The following IRGQ variants were observed in gnomAD, a reference collection of about 807,000 sequenced individuals.
IRGQ encodes the protein immunity-related GTPase family Q protein.
Under a neutral mutation model 10.5 loss-of-function variants are expected in IRGQ, and 5 were observed. That is an observed-to-expected ratio of 0.48 (90% CI 0.25 to 1.00). The LOEUF is 1.00. Among genes scored for constraint, IRGQ ranks in the 50% least tolerant of loss-of-function variants. The probability of loss-of-function intolerance (pLI) is 0.16; values close to 1 mark genes in which losing one functional copy is unlikely to be tolerated. For synonymous variants in IRGQ, 418 were observed against 426.0 expected, an observed-to-expected ratio of 0.98 and a Z score of 0.23; for missense variants, 792 against 877.7, an observed-to-expected ratio of 0.90 and a Z score of 1.23.
intron 1 of IRGQ, 161 bp from the exon 2 acceptor site, chr19:43,595,501 T>G: frequency 6.1e-6 from 3 of 493,028 alleles, no homozygotes; most frequent in Non-Finnish European, 6.7e-6. Flanking sequence ...CCAGACCCTA[T>G]TCCCCCAGAA....
chr19:43,591,907 G>A lies in IRGQ; in HGVS notation c.*119C>T. ...CTGTCCCCCAGACTCTCTGAATCCA[G>A]GTGATAAGAAGTCACACATCCCAGC... On this transcript the variant is annotated 3_prime_UTR_variant, in exon 3 of 3. Coordinates refer to ENST00000422989, the MANE Select transcript of IRGQ (RefSeq NM_001007561.3). 1.1e-6 allele frequency: 1 copy of A among 938,976 alleles called. No individual in the cohort carries two copies. Among genetic ancestry groups the A allele is most frequent in the Admixed American group, 2.4e-5 (1 of 41,028 alleles). The allele number at this position is 938,976 out of a possible 1,614,324, so 58.2% of individuals were successfully genotyped here.
chr19:43,591,988 CCT>C lies in IRGQ; in HGVS notation c.*36_*37del, dbSNP rs749376543. Reference sequence around the variant, plus strand: ...CACCCAGGATTAAGCCCAGGCATCCCCTGTCAGAGTCTGGACTCCCAAGCCCC... The same window carrying C: ...CACCCAGGATTAAGCCCAGGCATCCCGTCAGAGTCTGGACTCCCAAGCCCC... On this transcript the variant is annotated 3_prime_UTR_variant, in exon 3 of 3. Coordinates refer to ENST00000422989, the MANE Select transcript of IRGQ (RefSeq NM_001007561.3). 51 of 1,539,416 alleles carry C rather than the reference CCT, an allele frequency of 3.3e-5. No homozygotes were observed. The Admixed American group carries it at 8.4e-4, about 25-fold the overall frequency.
chr19:43,592,262 G>C lies in IRGQ; in HGVS notation c.1636C>G (p.His546Asp). The change falls in exon 3 of 3, where the codon CAT (histidine) becomes GAT (aspartate). Residue 546 changes from histidine (H) to aspartate (D), a missense_variant. Physicochemically the swap from His to Asp is moderately conservative, Grantham distance 81. Transcript: ENST00000422989. The stretch of plus-strand genomic sequence containing the variant: ...GCGCGCGTCACCGGGCCTGGGAAAT[G>C]AGCGCGCGCTGCCAGCTCTCCAGAA... ...LASGELAARA[H>D]FPGPVTRAEV... 6.3e-7 allele frequency: 1 copy of C among 1,576,096 alleles called. No individual in the cohort carries two copies. The highest frequency in any genetic ancestry group is 1.1e-5 in the South Asian group (1 of 88,674).
chr19:43,593,294 C>A lies in IRGQ; in HGVS notation c.604G>T (p.Glu202Ter). 1 of 1,588,438 alleles carries A rather than the reference C, an allele frequency of 6.3e-7. No homozygotes were observed. Among genetic ancestry groups the A allele is most frequent in the Non-Finnish European group, 8.6e-7 (1 of 1,166,596 alleles). The change falls in exon 3 of 3, where the codon GAG becomes TAG. Residue 202 changes from glutamate (E) to a stop codon, truncating the protein, a stop_gained. Coordinates refer to ENST00000422989, the MANE Select transcript of IRGQ (RefSeq NM_001007561.3). LOFTEE classifies it low-confidence loss of function (END_TRUNC). The surrounding 1 kb of genome is among the most constrained non-coding windows in gnomAD (Gnocchi z 6.4). ...AELEAVREAFETGGLEAALSW... is the reference protein window; with the variant it reads ...AELEAVREAF Reference sequence around the variant, plus strand: ...AGCGCAGCCTCAAGGCCGCCGGTCTCAAAGGCCTCACGCACAGCCTCTAGC... The same window carrying A: ...AGCGCAGCCTCAAGGCCGCCGGTCTAAAAGGCCTCACGCACAGCCTCTAGC...
intron 2 of IRGQ, among the ~76,000 whole-genome samples, chr19:43,594,469 G>A (rs1973101508): frequency 6.6e-6 from 1 of 152,142 alleles, no homozygotes; most frequent in South Asian, 2.1e-4. Flanking sequence ...TTGAGCCCAG[G>A]AGGTGGAGGC....
chr19:43,592,034 C>A lies in IRGQ; in HGVS notation c.1864G>T (p.Ala622Ser), dbSNP rs1197223356. Reference sequence around the variant, plus strand: ...AAGCCCCCTCCCACTCCTCACTGGGCAGGCTCAGGGGGTGCCAGCACAGCC... The same window carrying A: ...AAGCCCCCTCCCACTCCTCACTGGGAAGGCTCAGGGGGTGCCAGCACAGCC... The part of the protein sequence containing the change: ...AEAVLAPPEP[A>S]Q Residue 622 changes from alanine (A) to serine (S), a missense_variant, in exon 3 of 3, where the codon GCC becomes TCC. Physicochemically the swap from Ala to Ser is moderately conservative, Grantham distance 99. Coordinates refer to ENST00000422989, the MANE Select transcript of IRGQ (RefSeq NM_001007561.3). 3 of 1,595,218 alleles carry A rather than the reference C, an allele frequency of 1.9e-6. No individual in the cohort carries two copies. Among genetic ancestry groups the A allele is most frequent in the Non-Finnish European group, 2.6e-6 (3 of 1,168,570 alleles).
In IRGQ at chr19:43,589,725, G is replaced by T. The variant is rs1173653244; in HGVS notation, c.*2301C>A. 1 of 152,168 alleles carries T rather than the reference G, an allele frequency of 6.6e-6. No homozygotes were observed. The highest frequency in any genetic ancestry group is 2.4e-5 in the African/African-American group (1 of 41,432). 9.4% of individuals were successfully genotyped at this position (152,168 alleles called of 1,614,324 possible). A position where few individuals can be genotyped will look rare whatever the true frequency, so the allele number is the denominator to read the frequency against. ...TAAATAAATAAGATCATTTTTGACAGTAATAATTGCTACAAGGAAACTCAA... is the reference window on the plus strand; with the variant it reads ...TAAATAAATAAGATCATTTTTGACATTAATAATTGCTACAAGGAAACTCAA... On this transcript the variant is annotated 3_prime_UTR_variant, in exon 3 of 3. Coordinates refer to ENST00000422989, the MANE Select transcript of IRGQ (RefSeq NM_001007561.3).
At position 43,592,789 on chromosome 19, in the gene IRGQ, C is replaced by T. The variant is rs1973078698; in HGVS notation, c.1109G>A (p.Arg370Lys). ...GGLENALSKG[R>K]EKCSAGSQKA... The stretch of plus-strand genomic sequence containing the variant: ...CTGCGATCCAGCGCTACATTTCTCC[C>T]TTCCCTTACTGAGTGCATTCTCCAA... The change falls in exon 3 of 3, where the codon AGG becomes AAG. Residue 370 changes from arginine (R) to lysine (K), a missense_variant. Transcript: ENST00000422989. 6.2e-7 allele frequency: 1 copy of T among 1,613,958 alleles called. No individual in the cohort carries two copies. The highest frequency in any genetic ancestry group is 1.3e-5 in the African/African-American group (1 of 75,078).
chr19:43,595,922 C>T (rs1460552857), intron 1 of IRGQ, 60 bp downstream of exon 1: 1 of 152,318 alleles, frequency 6.6e-6, no homozygotes, highest in Non-Finnish European at 1.5e-5. Flanking sequence ...CTTCCAGTCC[C>T]TCCTCCCTCG....
chr19:43,591,343 TC>T lies in IRGQ; in HGVS notation c.*682del, dbSNP rs1437980658. 6.6e-6 allele frequency: 1 copy of T among 152,106 alleles called. No homozygotes were observed. 9.4% of individuals were successfully genotyped at this position (152,106 alleles called of 1,614,324 possible). ...GCTCCCTGGGGCGCTCAGGTCTCCC[TC>T]CCCTATACTGGAGTTCAGGTCCCAG... On this transcript the variant is annotated 3_prime_UTR_variant, in exon 3 of 3. Coordinates refer to ENST00000422989, the MANE Select transcript of IRGQ (RefSeq NM_001007561.3).
chr19:43,592,638 CGTCTCGTCCTCCG>C lies in IRGQ; in HGVS notation c.1247_1259del (p.Pro416ArgfsTer132). 1 of 1,603,624 alleles carries C rather than the reference CGTCTCGTCCTCCG, an allele frequency of 6.2e-7. No homozygotes were observed. Among genetic ancestry groups the C allele is most frequent in the East Asian group, 2.2e-5 (1 of 44,878 alleles). ...GCGGCGCCTCCTCCAGCACCTCCCA[CGTCTCGTCCTCCG>C]GGCTTAACGCAGCGGCCCGCTCTGA... On this transcript the variant is annotated frameshift_variant, in exon 3 of 3. Coordinates refer to ENST00000422989, the MANE Select transcript of IRGQ (RefSeq NM_001007561.3). LOFTEE classifies it low-confidence loss of function (END_TRUNC).
At position 43,585,893 on chromosome 19, in the gene IRGQ, G is replaced by A. The variant is rs1466673957; in HGVS notation, c.*6133C>T. The A allele has an allele frequency of 6.6e-6, 1 of 152,110 alleles. No homozygotes were observed. The highest frequency in any genetic ancestry group is 2.4e-5 in the African/African-American group (1 of 41,416). 9.4% of individuals were successfully genotyped at this position (152,110 alleles called of 1,614,324 possible). A position where few individuals can be genotyped will look rare whatever the true frequency, so the allele number is the denominator to read the frequency against. ...GTTTCCAGCCCAGTCAAAATCTCAA[G>A]GATCTTTCTTTTCCCTCAAACTCCA... On this transcript the variant is annotated 3_prime_UTR_variant, in exon 3 of 3. Coordinates refer to ENST00000422989, the MANE Select transcript of IRGQ (RefSeq NM_001007561.3).
Position 43,594,973 on chromosome 19 carries a change from CTG to C in IRGQ, c.364_365del (p.Gln122AspfsTer7). ...TCTGATCACGGGCCTGGGCGGCAGT[CTG>C]TGAATCCCCAGGACGGAGGTTCCGC... ...AVRNLRPGDS[Q>X]TAAQARDQTA... On this transcript the variant is annotated frameshift_variant, in exon 2 of 3. Transcript: ENST00000422989. LOFTEE classifies it high-confidence loss of function. The C allele has an allele frequency of 6.2e-7, 1 of 1,614,008 alleles. No homozygotes were observed. Among genetic ancestry groups the C allele is most frequent in the Non-Finnish European group, 8.5e-7 (1 of 1,179,948 alleles).
intron 1 of IRGQ, among the ~76,000 whole-genome samples, chr19:43,595,703 G>A (rs1344517209): frequency 3.6e-4 from 55 of 151,972 alleles, no homozygotes; most frequent in Admixed American, 3.6e-3. Flanking sequence ...CTCTGGTAGA[G>A]TCTCCGTCTC....
At position 43,586,789 on chromosome 19, in the gene IRGQ, T is replaced by C. The variant is rs142630154; in HGVS notation, c.*5237A>G. On this transcript the variant is annotated 3_prime_UTR_variant, in exon 3 of 3. Coordinates refer to ENST00000422989, the MANE Select transcript of IRGQ (RefSeq NM_001007561.3). ...TCTGTGTGCATATTGTGTGCCTGCA[T>C]GTACATACATACGCTGAATTCTCAC... 2.9e-3 allele frequency: 440 copies of C among 152,366 alleles called. No individual in the cohort carries two copies. Among genetic ancestry groups the C allele is most frequent in the Non-Finnish European group, 4.5e-3 (307 of 68,038 alleles). 9.4% of individuals were successfully genotyped at this position (152,366 alleles called of 1,614,324 possible).
In IRGQ at chr19:43,592,034, C is replaced by T. The variant is rs1197223356; in HGVS notation, c.1864G>A (p.Ala622Thr). The T allele has an allele frequency of 1.3e-6, 2 of 1,595,100 alleles. No individual in the cohort carries two copies. The highest frequency in any genetic ancestry group is 2.7e-5 in the African/African-American group (2 of 74,576). The stretch of plus-strand genomic sequence containing the variant: ...AAGCCCCCTCCCACTCCTCACTGGG[C>T]AGGCTCAGGGGGTGCCAGCACAGCC... ...AEAVLAPPEP[A>T]Q is the part of the protein sequence containing the mutation. Residue 622 changes from alanine to threonine, a missense_variant, in exon 3 of 3, where the codon GCC becomes ACC. Ala to Thr is a moderately conservative substitution (Grantham distance 58, BLOSUM62 0). Transcript: ENST00000422989.
At position 43,589,346 on chromosome 19, in the gene IRGQ, C is replaced by T. The variant is rs552695737; in HGVS notation, c.*2680G>A. The T allele has an allele frequency of 9.2e-5, 14 of 152,322 alleles. No individual in the cohort carries two copies. The highest frequency in any genetic ancestry group is 7.8e-4 in the Admixed American group (12 of 15,290). 9.4% of individuals were successfully genotyped at this position (152,322 alleles called of 1,614,324 possible). ...TTAGGCTGGGTGTGGTGGCTCACAC[C>T]TGTAATCCCATCAAGGCAGGAGGAT... On this transcript the variant is annotated 3_prime_UTR_variant, in exon 3 of 3. Transcript: ENST00000422989.
chr19:43,591,021 A>AAG lies in IRGQ; in HGVS notation c.*1004_*1005insCT, dbSNP rs907320995. On this transcript the variant is annotated 3_prime_UTR_variant, in exon 3 of 3. Coordinates refer to ENST00000422989, the MANE Select transcript of IRGQ (RefSeq NM_001007561.3). ...ATTTTTGTGGGACCACCCTCCCTAC[A>AAG]TGCTTTTGGAGGGCAATTATAGAAA... 6.6e-6 allele frequency: 1 copy of AAG among 152,188 alleles called. No homozygotes were observed. The highest frequency in any genetic ancestry group is 2.4e-5 in the African/African-American group (1 of 41,410). 9.4% of individuals were successfully genotyped at this position (152,188 alleles called of 1,614,324 possible).
At chr19:43,595,796 T>G (rs776787118) in intron 1 of IRGQ, among the ~76,000 whole-genome samples, 186 bp downstream of exon 1, 8 of 152,166 alleles carry the variant, frequency 5.3e-5, no homozygotes, top group Non-Finnish European at 1.0e-4. Flanking sequence ...GAGGATCGCT[T>G]GAGCCCAGGA....
Sources: gnomAD v4.1 joint callset for allele counts (sites outside exome capture counted in the v4.1 genomes callset) on GRCh38, gnomAD v4.1.1 for gene constraint, Gnocchi (gnomAD v3.1) non-coding constraint, MANE v1.5 for transcripts, NCBI Gene and HGNC (gene_info 2026-07-23, HGNC 2026-07-21) for gene names.